The following GPR137B variants were observed in gnomAD, a reference collection of about 807,000 sequenced individuals.
The protein encoded by GPR137B is G protein-coupled receptor 137B, also known as integral membrane protein GPR137B.
Under a neutral mutation model 42.5 loss-of-function variants are expected in GPR137B, and 42 were observed. The observed-to-expected ratio is 0.99, with a 90% CI of 0.77 to 1.28. The LOEUF (loss-of-function observed/expected upper bound fraction) is 1.28, where lower values mean the gene tolerates loss of function less well. Among genes scored for constraint, GPR137B ranks in the 50% most tolerant of loss-of-function variants. The pLI, the probability that GPR137B is intolerant of heterozygous loss-of-function variation, is 0.00. For synonymous variants in GPR137B, 218 were observed against 209.7 expected (o/e 1.04, Z -0.34); for missense variants, 487 against 493.9 (o/e 0.99, Z 0.13).
chr1:236,160,595 C>T (rs1387189954), intron 1 of GPR137B, among the ~76,000 whole-genome samples: 1 of 152,186 alleles, frequency 6.6e-6, no homozygotes, highest in African/African-American at 2.4e-5. Context: ...GTCTGGACCC[C>T]CTGAATAACC....
chr1:236,165,583 A>G (rs1662326026), intron 1 of GPR137B, among the ~76,000 whole-genome samples: 1 of 151,994 alleles, frequency 6.6e-6, no homozygotes, highest in Admixed American at 6.6e-5. Flanking sequence ...TGTTGTTGTT[A>G]TCGTTACTCT....
intron 5 of GPR137B, among the ~76,000 whole-genome samples, chr1:236,185,943 AC>A (rs970372958): frequency 1.3e-5 from 2 of 150,504 alleles, no homozygotes; most frequent in African/African-American, 4.9e-5. Context: ...TCCCTGCCCT[AC>A]CCCCAGGCAT....
chr1:236,163,006 C>T (rs918721233), intron 1 of GPR137B, among the ~76,000 whole-genome samples: 31 of 152,198 alleles, frequency 2.0e-4, no homozygotes, highest in African/African-American at 7.2e-4. Flanking sequence ...GGAAAAGCCA[C>T]AGACACTCAA....
intron 2 of GPR137B, among the ~76,000 whole-genome samples, chr1:236,170,154 T>C (rs995873006): frequency 6.6e-6 from 1 of 152,044 alleles, no homozygotes; most frequent in African/African-American, 2.4e-5. Flanking sequence ...GTTCTGGCGT[T>C]TCTGCCCGGG....
chr1:236,161,288 T>C (rs926562272), intron 1 of GPR137B, among the ~76,000 whole-genome samples: 5 of 152,148 alleles, frequency 3.3e-5, no homozygotes. Flanking sequence ...CAGCGGCCTC[T>C]TCCTGGCTGG....
At chr1:236,179,799 C>G in intron 3 of GPR137B, 80 bp from the exon 4 acceptor site, 1 of 1,054,310 alleles carries the variant, frequency 9.5e-7, no homozygotes, top group South Asian at 1.7e-5. Flanking sequence ...CTTTACCAGA[C>G]TGATAGCAGG....
intron 5 of GPR137B, among the ~76,000 whole-genome samples, chr1:236,188,500 C>A (rs1295074844): frequency 6.6e-6 from 1 of 152,056 alleles, no homozygotes; most frequent in Non-Finnish European, 1.5e-5. Flanking sequence ...TCCATCGATA[C>A]CTAGTTTATG....
chr1:236,168,793 G>T, intron 2 of GPR137B, 38 bp downstream of exon 2: 1 of 1,383,222 alleles, frequency 7.2e-7, no homozygotes, highest in Non-Finnish European at 1.0e-6. Context: ...TGGTAGAAGG[G>T]GAAAGTGCCG....
At chr1:236,166,398 A>C (rs925248506) in intron 1 of GPR137B, among the ~76,000 whole-genome samples, 3 of 151,028 alleles carry the variant, frequency 2.0e-5, no homozygotes, top group African/African-American at 7.3e-5. Flanking sequence ...ACTCCTTTAA[A>C]GAAGGGTCAC....
At chr1:236,183,722 T>C in intron 4 of GPR137B, 56 bp from the exon 5 acceptor site, 2 of 1,339,824 alleles carry the variant, frequency 1.5e-6, no homozygotes, top group Admixed American at 1.9e-5. Flanking sequence ...AAAGAAACAA[T>C]CAAATTTATT....
intron 4 of GPR137B, among the ~76,000 whole-genome samples, chr1:236,180,403 A>G (rs921147775): frequency 1.4e-4 from 21 of 152,114 alleles, no homozygotes; most frequent in African/African-American, 5.1e-4. Flanking sequence ...TTCACATGGG[A>G]GACAAGTCCA....
chr1:236,153,207 A>C (rs954538858), intron 1 of GPR137B, among the ~76,000 whole-genome samples: 1 of 152,158 alleles, frequency 6.6e-6, no homozygotes, highest in Non-Finnish European at 1.5e-5. Flanking sequence ...CGCAGCTGTC[A>C]CCTCTATCTA....
intron 5 of GPR137B, among the ~76,000 whole-genome samples, chr1:236,195,700 G>C (rs1289625157): frequency 4.6e-5 from 7 of 152,156 alleles, no homozygotes; most frequent in Admixed American, 3.9e-4. Flanking sequence ...CATAGTGGTT[G>C]TACTAATATA....
chr1:236,162,974 C>T (rs112217121), intron 1 of GPR137B, among the ~76,000 whole-genome samples: 28,268 of 152,052 alleles, frequency 0.19, 2,851 homozygotes, highest in East Asian at 0.35. Context: ...GTATATCCAC[C>T]GACAGCTTGC....
At chr1:236,168,501 T>C (rs1017244090) in intron 1 of GPR137B, among the ~76,000 whole-genome samples, 4 of 152,206 alleles carry the variant, frequency 2.6e-5, no homozygotes, top group Non-Finnish European at 5.9e-5. Context: ...TTTGTTTTCT[T>C]TTTTAACCAT....
Position 236,178,450 on chromosome 1 carries a change from T to G in GPR137B, c.501T>G (p.Leu167=), listed in dbSNP as rs1662755187. ...ACCTGGCCTCCCTCTTCATCAGCCT[T>G]GTTTTCCTGTTGGTGAATTTAACCT... The part of the protein sequence containing the change: ...PLYLASLFIS[L]VFLLVNLTCA... The change falls in exon 3 of 7, where the codon CTT becomes CTG. Residue 167 remains leucine, a synonymous_variant. Transcript: ENST00000366592. 1 of 1,613,780 alleles carries G rather than the reference T, an allele frequency of 6.2e-7. No individual in the cohort carries two copies. Among genetic ancestry groups the G allele is most frequent in the Non-Finnish European group, 8.5e-7 (1 of 1,179,966 alleles).
At chr1:236,188,558 C>T (rs1024470019) in intron 5 of GPR137B, among the ~76,000 whole-genome samples, 3 of 152,170 alleles carry the variant, frequency 2.0e-5, no homozygotes, top group Non-Finnish European at 4.4e-5. Context: ...AAGGTCTTTT[C>T]TGCATCTATT....
intron 1 of GPR137B, among the ~76,000 whole-genome samples, chr1:236,148,744 G>T (rs1412478912): frequency 6.6e-6 from 1 of 152,130 alleles, no homozygotes; most frequent in Non-Finnish European, 1.5e-5. Flanking sequence ...CGTGGTGAGG[G>T]CCTGCGGCTC....
chr1:236,196,445 TTAA>T (rs1297996055), intron 5 of GPR137B, among the ~76,000 whole-genome samples: 1 of 152,274 alleles, frequency 6.6e-6, no homozygotes, highest in South Asian at 2.1e-4. Context: ...TGGCCAAGAA[TTAA>T]TATTATTTTT....
Sources: gnomAD v4.1 joint callset for allele counts (sites outside exome capture counted in the v4.1 genomes callset) on GRCh38, gnomAD v4.1.1 for gene constraint, MANE v1.5 for transcripts, NCBI Gene and HGNC (gene_info 2026-07-23, HGNC 2026-07-21) for gene names.